CDH12: variants seen among roughly 807,000 people sequenced by gnomAD.
The protein encoded by CDH12 is cadherin 12.
In CDH12, 41 loss-of-function variants were observed where a neutral mutation model predicts 74.1. That is an observed-to-expected ratio of 0.55 (90% CI 0.43 to 0.72). CDH12 has a LOEUF of 0.72. Ranked by LOEUF, CDH12 falls within the 30% of genes least tolerant of loss-of-function variation. CDH12 has a pLI of 0.00. For synonymous variants in CDH12, 399 were observed against 355.0 expected (o/e 1.12, Z -1.39); for missense variants, 945 against 977.2 (o/e 0.97, Z 0.44).
At chr5:21,774,824 A>T (rs986895886) in intron 11 of CDH12, among the ~76,000 whole-genome samples, 4 of 152,224 alleles carry the variant, frequency 2.6e-5, no homozygotes, top group African/African-American at 9.6e-5. Context: ...ACCAATGGTT[A>T]TGTTTAGTCC....
chr5:22,699,762 C>T (rs1321975685), intron 1 of CDH12, among the ~76,000 whole-genome samples: 1 of 152,134 alleles, frequency 6.6e-6, no homozygotes, highest in African/African-American at 2.4e-5. Context: ...CCTATAAGTA[C>T]ATTGAACTGA....
At chr5:22,396,399 T>C (rs994863339) in intron 3 of CDH12, among the ~76,000 whole-genome samples, 7 of 152,076 alleles carry the variant, frequency 4.6e-5, no homozygotes, top group Admixed American at 3.9e-4. Flanking sequence ...ACTGGGTTTT[T>C]GAGAAAAGAA....
At chr5:22,167,051 A>G (rs577970599) in intron 4 of CDH12, among the ~76,000 whole-genome samples, 1 of 152,310 alleles carries the variant, frequency 6.6e-6, no homozygotes, top group South Asian at 2.1e-4. Context: ...GAGCATAATA[A>G]AGGAGGCTAA....
At chr5:22,016,364 C>A (rs551094864) in intron 5 of CDH12, among the ~76,000 whole-genome samples, 1 of 151,936 alleles carries the variant, frequency 6.6e-6, no homozygotes, top group Non-Finnish European at 1.5e-5. Context: ...ATCTTTTCTG[C>A]TCCCATTTAT....
At chr5:22,496,806 A>G in intron 2 of CDH12, among the ~76,000 whole-genome samples, 1 of 152,004 alleles carries the variant, frequency 6.6e-6, no homozygotes. Context: ...TACACTGACC[A>G]CTTCTTTTGC....
intron 3 of CDH12, among the ~76,000 whole-genome samples, chr5:22,221,709 G>A (rs1580419501): frequency 1.3e-5 from 2 of 151,818 alleles, no homozygotes; most frequent in East Asian, 3.9e-4. Context: ...CATCCCCCAT[G>A]TCCTATTGAT....
intron 1 of CDH12, among the ~76,000 whole-genome samples, chr5:22,549,266 C>T (rs866870414): frequency 2.0e-5 from 3 of 152,184 alleles, no homozygotes; most frequent in Non-Finnish European, 2.9e-5. Flanking sequence ...AGCCACCGCA[C>T]CTGGCCTCCA....
intron 1 of CDH12, among the ~76,000 whole-genome samples, chr5:22,608,312 T>C (rs916270540): frequency 2.0e-5 from 3 of 152,212 alleles, no homozygotes; most frequent in African/African-American, 7.2e-5. Context: ...TTTGTAACTT[T>C]AATGTTTAAT....
intron 3 of CDH12, among the ~76,000 whole-genome samples, chr5:22,281,726 A>G (rs566033289): frequency 6.6e-6 from 1 of 152,320 alleles, no homozygotes; most frequent in South Asian, 2.1e-4. Flanking sequence ...ATCAGAGAGG[A>G]CACAAACAAC....
intron 1 of CDH12, among the ~76,000 whole-genome samples, chr5:22,534,054 T>G (rs1737713303): frequency 6.6e-6 from 1 of 152,310 alleles, no homozygotes; most frequent in African/African-American, 2.4e-5. Context: ...TTGTTGATTC[T>G]AAAATGTGCT....
chr5:22,558,437 A>G (rs1738899864), intron 1 of CDH12, among the ~76,000 whole-genome samples: 1 of 152,092 alleles, frequency 6.6e-6, no homozygotes, highest in Non-Finnish European at 1.5e-5. Context: ...TATTATGGGT[A>G]AAACCATTTT....
At chr5:22,103,119 AGGT>A (rs1241357355) in intron 4 of CDH12, among the ~76,000 whole-genome samples, 1 of 152,196 alleles carries the variant, frequency 6.6e-6, no homozygotes, top group Non-Finnish European at 1.5e-5. Flanking sequence ...ACAGGCAGAT[AGGT>A]GACAGAGAAA....
At chr5:21,874,565 A>C (rs1751827808) in intron 6 of CDH12, among the ~76,000 whole-genome samples, 1 of 152,146 alleles carries the variant, frequency 6.6e-6, no homozygotes, top group Admixed American at 6.5e-5. Flanking sequence ...TTGAGCAGGG[A>C]GTGGCAACCC....
At chr5:22,470,994 C>A (rs1331987488) in intron 2 of CDH12, among the ~76,000 whole-genome samples, 4 of 152,000 alleles carry the variant, frequency 2.6e-5, no homozygotes, top group Non-Finnish European at 5.9e-5. Context: ...AAGAAGTGGA[C>A]CCTTAATGCT....
At position 22,516,593 on chromosome 5, in the gene CDH12, G is replaced by A. The variant is rs144593729; in HGVS notation, c.-522-11229C>T. ...GTGGATCGCTTGTGTCCAGGAGTTC[G>A]AGACCAGCCTGGGCAACATGGCGAA... On this transcript the variant is annotated intron_variant, in intron 1 of 14. Coordinates refer to ENST00000382254, the MANE Select transcript of CDH12 (RefSeq NM_004061.5). 8.7e-3 allele frequency among the ~76,000 whole-genome samples: 1,316 copies of A among 152,032 alleles called. 20 individuals are homozygous for A. The highest frequency in any genetic ancestry group is 0.03 in the African/African-American group (1,244 of 41,484).
chr5:22,577,593 A>G (rs1739857108), intron 1 of CDH12, among the ~76,000 whole-genome samples: 1 of 152,206 alleles, frequency 6.6e-6, no homozygotes, highest in Non-Finnish European at 1.5e-5. Context: ...GAAACTAGAT[A>G]AAGTGTAAAC....
intron 3 of CDH12, among the ~76,000 whole-genome samples, chr5:22,380,779 T>A (rs1315402313): frequency 1.3e-5 from 2 of 152,110 alleles, no homozygotes; most frequent in Non-Finnish European, 2.9e-5. Context: ...AATGCACACA[T>A]AACATAAAGC....
chr5:22,701,511 T>C (rs1742713168), intron 1 of CDH12, among the ~76,000 whole-genome samples: 1 of 152,168 alleles, frequency 6.6e-6, no homozygotes, highest in Non-Finnish European at 1.5e-5. Flanking sequence ...GGAAAATCCT[T>C]CATAAGCTGG....
At chr5:22,675,140 G>A (rs2100939) in intron 1 of CDH12, among the ~76,000 whole-genome samples, 102,212 of 151,980 alleles carry the variant, frequency 0.67, 34,598 homozygotes, top group Admixed American at 0.73. Context: ...AGCCCTTCCC[G>A]TCACAGGCCC....
Sources: allele counts gnomAD v4.1 joint callset (sites outside exome capture counted in the v4.1 genomes callset), GRCh38; gene constraint gnomAD v4.1.1; transcripts MANE v1.5; gene names NCBI Gene and HGNC (gene_info 2026-07-23, HGNC 2026-07-21).